SNTG1: variants seen among roughly 807,000 people sequenced by gnomAD.
SNTG1 encodes the protein syntrophin gamma 1, also known as gamma-1-syntrophin.
A neutral mutation model predicts 74.7 loss-of-function variants in SNTG1; 39 were observed. The observed-to-expected ratio is 0.52, with a 90% CI of 0.40 to 0.68. The LOEUF is 0.68. Among genes scored for constraint, SNTG1 ranks in the 30% least tolerant of loss-of-function variants. The pLI, the probability that SNTG1 is intolerant of heterozygous loss-of-function variation, is 0.00. For synonymous variants in SNTG1, 254 were observed against 217.1 expected, an observed-to-expected ratio of 1.17 and a Z score of -1.49; for missense variants, 685 against 609.5, an observed-to-expected ratio of 1.12 and a Z score of -1.30.
intron 1 of SNTG1, among the ~76,000 whole-genome samples, chr8:50,156,536 T>C (rs2082260490): frequency 1.3e-5 from 2 of 152,060 alleles, no homozygotes; most frequent in Admixed American, 6.6e-5. Context: ...TGTGAATCTG[T>C]ATGTATATAT....
intron 12 of SNTG1, among the ~76,000 whole-genome samples, chr8:50,567,311 G>T (rs2094521541): frequency 6.6e-6 from 1 of 152,004 alleles, no homozygotes; most frequent in Non-Finnish European, 1.5e-5. Context: ...CTGGAATACT[G>T]AAATTAATAC....
chr8:50,496,731 T>G (rs1364701407), intron 8 of SNTG1, among the ~76,000 whole-genome samples: 2 of 152,158 alleles, frequency 1.3e-5, no homozygotes, highest in Non-Finnish European at 2.9e-5. Flanking sequence ...TTATCAACCC[T>G]CTTGCTTGGG....
intron 9 of SNTG1, among the ~76,000 whole-genome samples, chr8:50,515,463 C>A (rs1309305061): frequency 7.0e-6 from 1 of 143,826 alleles, no homozygotes; most frequent in South Asian, 2.2e-4. Context: ...ACCATTCACT[C>A]CCCTGGAAAG....
intron 2 of SNTG1, among the ~76,000 whole-genome samples, chr8:50,215,661 T>A (rs1204675502): frequency 1.3e-5 from 2 of 151,868 alleles, no homozygotes; most frequent in Non-Finnish European, 2.9e-5. Flanking sequence ...CCAGAGAAAC[T>A]GTTGAACTCT....
intron 13 of SNTG1, among the ~76,000 whole-genome samples, chr8:50,639,968 T>G (rs1370992552): frequency 6.6e-6 from 1 of 152,138 alleles, no homozygotes; most frequent in Non-Finnish European, 1.5e-5. Flanking sequence ...TTCTAGTTCT[T>G]ATTTGGTCAT....
chr8:50,531,509 C>G lies in SNTG1; in HGVS notation c.549+1250C>G, dbSNP rs182019765. Among the ~76,000 whole-genome samples the G allele has an allele frequency of 5.5e-4, 83 of 152,250 alleles. No individual in the cohort carries two copies. In the South Asian group the frequency reaches 7.2e-3, roughly 13 times the overall value. On this transcript the variant is annotated intron_variant, in intron 10 of 18. Coordinates refer to ENST00000642720, the MANE Select transcript of SNTG1 (RefSeq NM_018967.5). ...TTGTAATTGCTTTGCTCACCTTCTT[C>G]CCTCCCGATCCAGATGCCTTCGATA...
chr8:50,300,041 T>G (rs2089577065), intron 2 of SNTG1, among the ~76,000 whole-genome samples: 1 of 152,120 alleles, frequency 6.6e-6, no homozygotes, highest in South Asian at 2.1e-4. Flanking sequence ...GCTGAATAAA[T>G]TTATTTTTAA....
chr8:50,508,658 C>G (rs930763053), intron 9 of SNTG1, among the ~76,000 whole-genome samples: 50 of 152,162 alleles, frequency 3.3e-4, no homozygotes, highest in African/African-American at 1.2e-3. Flanking sequence ...ATTTGCATTT[C>G]TCTGATGGCC....
At chr8:50,288,814 C>T (rs1347525447) in intron 2 of SNTG1, among the ~76,000 whole-genome samples, 5 of 152,208 alleles carry the variant, frequency 3.3e-5, no homozygotes, top group African/African-American at 1.2e-4. Context: ...TATTCTTACT[C>T]CACCTAGGAA....
In SNTG1 at chr8:50,412,924, G is replaced by T. The variant is rs182202908; in HGVS notation, c.162+10580G>T. 1.4e-3 allele frequency among the ~76,000 whole-genome samples: 212 copies of T among 152,234 alleles called. 1 individual carries two copies. The highest frequency in any genetic ancestry group is 4.8e-3 in the African/African-American group (199 of 41,538). On this transcript the variant is annotated intron_variant, in intron 4 of 18. Coordinates refer to ENST00000642720, the MANE Select transcript of SNTG1 (RefSeq NM_018967.5). Reference sequence around the variant, plus strand: ...ATCAATAAAGGGAGCAATTTAAGTAGGAAAATCAGGTTTTAGAGCGGTGTA... The same window carrying T: ...ATCAATAAAGGGAGCAATTTAAGTATGAAAATCAGGTTTTAGAGCGGTGTA...
intron 1 of SNTG1, among the ~76,000 whole-genome samples, chr8:50,079,690 G>A (rs1822225168): frequency 6.6e-6 from 1 of 152,076 alleles, no homozygotes; most frequent in African/African-American, 2.4e-5. Context: ...AGTTTTTATG[G>A]TTTTAGGTTT....
intron 2 of SNTG1, among the ~76,000 whole-genome samples, chr8:50,215,127 T>G (rs1436068709): frequency 6.6e-6 from 1 of 152,098 alleles, no homozygotes; most frequent in Non-Finnish European, 1.5e-5. Context: ...ATCATTCTCC[T>G]GGGGCCCTGT....
intron 2 of SNTG1, among the ~76,000 whole-genome samples, chr8:50,296,610 A>T (rs1043018402): frequency 6.6e-6 from 1 of 152,072 alleles, no homozygotes. Context: ...GGGGCCTGTC[A>T]GGAGGATGGA....
intron 2 of SNTG1, among the ~76,000 whole-genome samples, chr8:50,305,522 T>TTGTGTGTG (rs1218886958): frequency 1.7e-5 from 1 of 59,152 alleles, no homozygotes; most frequent in Admixed American, 2.4e-4. Flanking sequence ...TTGTTTGTGC[T>TTGTGTGTG]TATGTGTGTG....
At chr8:50,358,315 T>C (rs2091873752) in intron 2 of SNTG1, among the ~76,000 whole-genome samples, 1 of 152,224 alleles carries the variant, frequency 6.6e-6, no homozygotes, top group African/African-American at 2.4e-5. Context: ...TCAGTATTCA[T>C]TAGAGTAAGT....
intron 9 of SNTG1, among the ~76,000 whole-genome samples, chr8:50,509,923 G>A (rs1167416665): frequency 6.6e-6 from 1 of 152,124 alleles, no homozygotes; most frequent in Non-Finnish European, 1.5e-5. Flanking sequence ...TCTCCTGCCT[G>A]ATTGTCCTGT....
At chr8:50,792,530 C>T (rs2095693978) in intron 18 of SNTG1, 141 bp from the exon 19 acceptor site, 1 of 872,844 alleles carries the variant, frequency 1.1e-6, no homozygotes, top group African/African-American at 1.7e-5. Context: ...CCAAAAATGT[C>T]TACATTTGAA....
intron 12 of SNTG1, among the ~76,000 whole-genome samples, chr8:50,565,286 T>C (rs1005639419): frequency 2.0e-5 from 3 of 151,988 alleles, no homozygotes; most frequent in African/African-American, 7.2e-5. Context: ...AAAAAAAATG[T>C]TTGGTAAAAC....
intron 9 of SNTG1, among the ~76,000 whole-genome samples, chr8:50,508,771 G>C (rs975289090): frequency 1.3e-5 from 2 of 152,034 alleles, no homozygotes; most frequent in African/African-American, 2.4e-5. Flanking sequence ...GGGATTGTTT[G>C]TTTTTTTCTT....
Sources: allele counts gnomAD v4.1 joint callset (sites outside exome capture counted in the v4.1 genomes callset), GRCh38; gene constraint gnomAD v4.1.1; transcripts MANE v1.5; gene names NCBI Gene and HGNC (gene_info 2026-07-23, HGNC 2026-07-21).